Variants in SH2D6 observed in about 807,000 individuals in gnomAD.
The protein encoded by SH2D6 is SH2 domain containing 6.
A neutral mutation model predicts 30.2 loss-of-function variants in SH2D6; 31 were observed. That is an observed-to-expected ratio of 1.03 (90% confidence interval 0.77 to 1.38). The LOEUF (loss-of-function observed/expected upper bound fraction) is 1.38, where lower values mean the gene tolerates loss of function less well. Among genes scored for constraint, SH2D6 ranks in the 40% most tolerant of loss-of-function variants. The pLI, the probability that SH2D6 is intolerant of heterozygous loss-of-function variation, is 0.00. For missense variants in SH2D6, 240 were observed against 266.8 expected (o/e 0.90, Z 0.70); for synonymous variants, 93 against 104.6 (o/e 0.89, Z 0.68).
intron 6 of SH2D6, among the ~76,000 whole-genome samples, chr2:85,428,295 G>A (rs1405586516): frequency 6.6e-6 from 1 of 152,142 alleles, no homozygotes; most frequent in Non-Finnish European, 1.5e-5. Context: ...AGCCTTTAGG[G>A]CACAGGCTCT....
intron 19 of SH2D6, chr2:85,434,809 C>T: frequency 6.8e-7 from 1 of 1,460,850 alleles, no homozygotes; most frequent in South Asian, 1.5e-5. Flanking sequence ...TTTTCCGGTG[C>T]CTGCACCAAA....
rs1348262662 is a variant in SH2D6 at position 85,422,241 on chromosome 2, A to T, written c.-538A>T. Reference sequence around the variant, plus strand: ...TCGAGTGCAGTGGCTCACACCTGTGATCCCAACACTTTGGGAGGCTGAGGC... The same window carrying T: ...TCGAGTGCAGTGGCTCACACCTGTGTTCCCAACACTTTGGGAGGCTGAGGC... On this transcript the variant is annotated 5_prime_UTR_variant, in exon 3 of 24. Coordinates refer to ENST00000469800, the MANE Select transcript of SH2D6 (RefSeq NM_001394463.1). 6.6e-6 allele frequency: 1 copy of T among 151,646 alleles called. No homozygotes were observed. The highest frequency in any genetic ancestry group is 2.4e-5 in the African/African-American group (1 of 41,220). The allele number at this position is 151,646 out of a possible 1,614,324, so 9.4% of individuals were successfully genotyped here.
At chr2:85,420,529 G>C (rs950582112) in intron 2 of SH2D6, among the ~76,000 whole-genome samples, 10 of 152,224 alleles carry the variant, frequency 6.6e-5, no homozygotes, top group Admixed American at 6.5e-4. Context: ...GACATGCAGT[G>C]TGCCAAAAGC....
intron 6 of SH2D6, among the ~76,000 whole-genome samples, chr2:85,426,534 A>G (rs1362630116): frequency 6.6e-6 from 1 of 152,182 alleles, no homozygotes; most frequent in Non-Finnish European, 1.5e-5. Context: ...TGCTGTGGTT[A>G]TGAATCTTCT....
rs2104875610 is a variant in SH2D6, at chr2:85,419,227, T to G, written c.-594T>G. 6.6e-6 allele frequency: 1 copy of G among 152,458 alleles called. No homozygotes were observed. The highest frequency in any genetic ancestry group is 1.9e-4 in the East Asian group (1 of 5,182). The allele number at this position is 152,458 out of a possible 1,614,324, so 9.4% of individuals were successfully genotyped here. The stretch of plus-strand genomic sequence containing the variant: ...GGCGCCCTGCGCCCAGGCATCAATT[T>G]TACATGGCAGAGTCAAGGTGAGGTT... On this transcript the variant is annotated 5_prime_UTR_variant, in exon 2 of 24. Transcript: ENST00000469800.
rs1558742657 is a variant in SH2D6 at position 85,418,895 on chromosome 2, C to G, written c.-828C>G. Reference sequence around the variant, plus strand: ...AGTCGCTGGTCCGAGCCCTCCTTCTCTGCGAACCTGAGCCCCGCCCTGCCC... The same window carrying G: ...AGTCGCTGGTCCGAGCCCTCCTTCTGTGCGAACCTGAGCCCCGCCCTGCCC... On this transcript the variant is annotated 5_prime_UTR_variant, in exon 1 of 24. Transcript: ENST00000469800. The G allele has an allele frequency of 6.6e-6, 1 of 152,446 alleles. No individual in the cohort carries two copies. Among genetic ancestry groups the G allele is most frequent in the Non-Finnish European group, 1.5e-5 (1 of 68,174 alleles). 9.4% of individuals were successfully genotyped at this position (152,446 alleles called of 1,614,324 possible).
At chr2:85,434,802 T>G in intron 19 of SH2D6, 24 of 1,454,434 alleles carry the variant, frequency 1.7e-5, no homozygotes, top group Non-Finnish European at 2.2e-5. Context: ...TTGGGCATTT[T>G]CCGGTGCCTG....
At position 85,435,482 on chromosome 2, in the gene SH2D6, C is replaced by A. The variant is rs768342613; in HGVS notation, c.718C>A (p.Leu240Ile). Reference protein sequence around the residue: ...CDRYAVESALLHLQKDGAYTV... With the variant: ...CDRYAVESALIHLQKDGAYTV... ...CCGCTATGCTGTTGAGAGTGCCCTG[C>A]TCCACTTACAAAAGGTGGGCAGCCA... is the stretch of plus-strand genomic sequence containing the variant. Residue 240 changes from leucine to isoleucine, a missense_variant, in exon 21 of 24, where the codon CTC becomes ATC. By Grantham distance (5) the Leu-to-Ile change is conservative. Transcript: ENST00000469800. 7 of 1,613,592 alleles carry A rather than the reference C, an allele frequency of 4.3e-6. No homozygotes were observed. The highest frequency in any genetic ancestry group is 5.9e-6 in the Non-Finnish European group (7 of 1,179,968).
At chr2:85,428,338 C>G (rs1457061410) in intron 6 of SH2D6, among the ~76,000 whole-genome samples, 1 of 152,190 alleles carries the variant, frequency 6.6e-6, no homozygotes, top group Non-Finnish European at 1.5e-5. Flanking sequence ...AATCCCACCT[C>G]CAACACTTGC....
At chr2:85,428,134 C>T (rs563667240) in intron 6 of SH2D6, among the ~76,000 whole-genome samples, 2 of 152,266 alleles carry the variant, frequency 1.3e-5, no homozygotes, top group Admixed American at 1.3e-4. Context: ...TTTATCGCCA[C>T]GCTTCTCAGA....
At position 85,425,334 on chromosome 2, in the gene SH2D6, C is replaced by T. The variant is rs1284435261; in HGVS notation, c.-282C>T. The T allele has an allele frequency of 6.8e-6, 1 of 146,916 alleles. No individual in the cohort carries two copies. Among genetic ancestry groups the T allele is most frequent in the Admixed American group, 7.0e-5 (1 of 14,314 alleles). 9.1% of individuals were successfully genotyped at this position (146,916 alleles called of 1,614,324 possible). The stretch of plus-strand genomic sequence containing the variant: ...TTTGAGAGCAATGGCGCGATTTCGG[C>T]TCACAGCAACCTCCGCCTCCTGGGT... On this transcript the variant is annotated 5_prime_UTR_variant, in exon 6 of 24. Transcript: ENST00000469800.
At chr2:85,434,450 T>C in intron 18 of SH2D6, 23 bp from the exon 19 acceptor site, 12 of 1,550,406 alleles carry the variant, frequency 7.7e-6, no homozygotes, top group Non-Finnish European at 1.0e-5. Context: ...CGGCCTCTTC[T>C]GATCAGACCT....
intron 21 of SH2D6, 70 bp downstream of exon 21, chr2:85,435,566 TGGG>T (rs1344004501): frequency 6.3e-7 from 1 of 1,592,270 alleles, no homozygotes; most frequent in African/African-American, 1.3e-5. Context: ...GGCCGAGCAG[TGGG>T]GAGCAGGAGG....
chr2:85,419,408 C>T (rs983823706), intron 2 of SH2D6, among the ~76,000 whole-genome samples, 164 bp downstream of exon 2: 1 of 152,248 alleles, frequency 6.6e-6, no homozygotes, highest in Non-Finnish European at 1.5e-5. Context: ...GGGACTTACC[C>T]AGACCCTTCA....
Position 85,435,725 on chromosome 2 carries a change from G to A in SH2D6, c.792G>A (p.Leu264=). 6.2e-7 allele frequency: 1 copy of A among 1,613,380 alleles called. No individual in the cohort carries two copies. Among genetic ancestry groups the A allele is most frequent in the Non-Finnish European group, 8.5e-7 (1 of 1,179,850 alleles). The change falls in exon 22 of 24, where the codon CTG becomes CTA. Residue 264 remains leucine (L), a synonymous_variant. Coordinates refer to ENST00000469800, the MANE Select transcript of SH2D6 (RefSeq NM_001394463.1). ...SGPHGSQPFT[L]AVLLRGRVFN... ...CTCATGGCTCCCAGCCCTTCACCCT[G>A]GCAGTGCTTCTCCGAGGCCGGGTCT...
Position 85,435,716 on chromosome 2 carries a change from C to T in SH2D6, c.783C>T (p.Pro261=), listed in dbSNP as rs763130775. ...RPSSGPHGSQ[P]FTLAVLLRGR... is the part of the protein sequence containing the mutation. ...GCTCAGGGCCTCATGGCTCCCAGCC[C>T]TTCACCCTGGCAGTGCTTCTCCGAG... The change falls in exon 22 of 24, where the codon CCC becomes CCT. Residue 261 remains proline (P), a synonymous_variant. Transcript: ENST00000469800. 6.2e-7 allele frequency: 1 copy of T among 1,613,424 alleles called. No individual in the cohort carries two copies. The highest frequency in any genetic ancestry group is 1.1e-5 in the South Asian group (1 of 91,052).
chr2:85,419,922 A>G (rs1005684848), intron 2 of SH2D6, among the ~76,000 whole-genome samples: 2 of 152,076 alleles, frequency 1.3e-5, no homozygotes, highest in African/African-American at 4.8e-5. Context: ...AAGCATGCCT[A>G]TTTCTGCCTG....
intron 5 of SH2D6, among the ~76,000 whole-genome samples, chr2:85,423,618 A>G (rs541418508): frequency 2.6e-4 from 39 of 152,378 alleles, no homozygotes; most frequent in African/African-American, 9.4e-4. Context: ...GTGGCAAGAA[A>G]TGATTGTGCA....
At position 85,435,774 on chromosome 2, in the gene SH2D6, G is replaced by T. The variant is rs777388750; in HGVS notation, c.841G>T (p.Asp281Tyr). The T allele has an allele frequency of 1.4e-5, 22 of 1,607,346 alleles. No individual in the cohort carries two copies. In the Admixed American group the frequency reaches 3.7e-4, roughly 27 times the overall value. ...CTTCAACATTCCCATCCGGCGGCTG[G>T]ATGGCGGACGCCACTATGCCCTGGG... ...RVFNIPIRRL[D>Y]GGRHYALGRE... is the part of the protein sequence containing the mutation. Residue 281 changes from aspartate to tyrosine, a missense_variant, in exon 22 of 24, where the codon GAT (aspartate) becomes TAT (tyrosine). Physicochemically the swap from Asp to Tyr is radical, Grantham distance 160. Coordinates refer to ENST00000469800, the MANE Select transcript of SH2D6 (RefSeq NM_001394463.1).
Sources: allele counts gnomAD v4.1 joint callset (sites outside exome capture counted in the v4.1 genomes callset), GRCh38; gene constraint gnomAD v4.1.1; transcripts MANE v1.5; gene names NCBI Gene and HGNC (gene_info 2026-07-23, HGNC 2026-07-21).